QRICH2: variants seen among roughly 807,000 people sequenced by gnomAD.
QRICH2 encodes glutamine-rich protein 2.
A neutral mutation model predicts 168.3 loss-of-function variants in QRICH2; 119 were observed. The ratio of observed to expected loss-of-function variants is 0.71; its 90% confidence interval spans 0.61 to 0.82. The LOEUF (loss-of-function observed/expected upper bound fraction) is 0.82, where lower values mean the gene tolerates loss of function less well. Among genes scored for constraint, QRICH2 ranks in the 40% least tolerant of loss-of-function variants. QRICH2 has a pLI of 0.00. For synonymous variants in QRICH2, 894 were observed against 951.2 expected (o/e 0.94, Z 1.11); for missense variants, 2,241 against 2,491.6 (o/e 0.90, Z 2.14).
In QRICH2 at chr17:76,287,426, C is replaced by A. The variant is rs74413918; in HGVS notation, c.3897-120G>T. 9.8e-3 allele frequency: 7,146 copies of A among 731,666 alleles called. 587 individuals carry two copies. In the East Asian group the frequency reaches 0.17, roughly 17 times the overall value. The allele number at this position is 731,666 out of a possible 1,614,324, so 45.3% of individuals were successfully genotyped here. ...CTGGAGGTCTCTCACCCTCCACCCCCCTCCAATGGATTTTGTCTAGGGAGT... is the reference window on the plus strand; with the variant it reads ...CTGGAGGTCTCTCACCCTCCACCCCACTCCAATGGATTTTGTCTAGGGAGT... On this transcript the variant is annotated intron_variant, in intron 6 of 18. Transcript: ENST00000680821.
Position 76,281,805 on chromosome 17 carries a change from G to A in QRICH2, c.4263+59C>T. ...CACTTCTGTGGGTCTGCAGCAGGGT[G>A]GCCCTCCTCTGTGGGGCCATGTCCA... On this transcript the variant is annotated intron_variant, in intron 8 of 18. Coordinates refer to ENST00000680821, the MANE Select transcript of QRICH2 (RefSeq NM_001388453.1). The surrounding 1 kb of genome is among the most constrained non-coding windows in gnomAD (Gnocchi z 4.4). The A allele has an allele frequency of 6.3e-7, 1 of 1,587,230 alleles. No homozygotes were observed. The highest frequency in any genetic ancestry group is 1.1e-5 in the South Asian group (1 of 88,944).
intron 3 of QRICH2, among the ~76,000 whole-genome samples, chr17:76,302,613 C>T (rs898373444): frequency 2.6e-5 from 4 of 152,150 alleles, no homozygotes; most frequent in African/African-American, 9.7e-5. Flanking sequence ...GGCTGCCAGC[C>T]ACACTTAGAG....
At chr17:76,305,857 A>C (rs978221894) in intron 1 of QRICH2, among the ~76,000 whole-genome samples, 6 of 152,160 alleles carry the variant, frequency 3.9e-5, no homozygotes, top group African/African-American at 1.4e-4. Context: ...AAACTTCTAG[A>C]ATCTAAGATT....
chr17:76,280,913 T>C lies in QRICH2; in HGVS notation c.4304A>G (p.Gln1435Arg). Residue 1435 changes from glutamine to arginine, a missense_variant, in exon 9 of 19, where the codon CAG (glutamine) becomes CGG (arginine). Gln to Arg is a conservative substitution (Grantham distance 43). Coordinates refer to ENST00000680821, the MANE Select transcript of QRICH2 (RefSeq NM_001388453.1). The surrounding 1 kb of genome is among the most constrained non-coding windows in gnomAD (Gnocchi z 7.4). ...GAGCTTCTCGCAGTCACCCTGCACCTGCAGGATGGCACTCTGCACACGGCC... is the reference window on the plus strand; with the variant it reads ...GAGCTTCTCGCAGTCACCCTGCACCCGCAGGATGGCACTCTGCACACGGCC... ...LLGRVQSAILQVQGDCEKLNI... is the reference protein window; with the variant it reads ...LLGRVQSAILRVQGDCEKLNI... 6.2e-7 allele frequency: 1 copy of C among 1,612,728 alleles called. No individual in the cohort carries two copies. Among genetic ancestry groups the C allele is most frequent in the Non-Finnish European group, 8.5e-7 (1 of 1,180,020 alleles).
At position 76,293,547 on chromosome 17, in the gene QRICH2, G is replaced by A; in HGVS notation, c.1180C>T (p.Pro394Ser). Residue 394 changes from proline to serine, a missense_variant, in exon 4 of 19, where the codon CCA becomes TCA. By Grantham distance (74) the Pro-to-Ser change is moderately conservative. Around this residue, in one of 3 missense-constraint regions of QRICH2, gnomAD observed 2,047 missense variants for 2,303.8 expected, o/e 0.89. Transcript: ENST00000680821. ...HLRPDRRGLEPTGMNQPGLVP... is the reference protein window; with the variant it reads ...HLRPDRRGLESTGMNQPGLVP... Reference sequence around the variant, plus strand: ...AATCCAGGCTGATTCATGCCAGTTGGTTCTAACCCACGACGATCTGGCCTT... The same window carrying A: ...AATCCAGGCTGATTCATGCCAGTTGATTCTAACCCACGACGATCTGGCCTT... The A allele has an allele frequency of 6.2e-7, 1 of 1,614,232 alleles. No individual in the cohort carries two copies. Among genetic ancestry groups the A allele is most frequent in the South Asian group, 1.1e-5 (1 of 91,082 alleles).
chr17:76,292,601 CCA>C lies in QRICH2; in HGVS notation c.2124_2125del (p.His708GlnfsTer11). The C allele has an allele frequency of 6.2e-7, 1 of 1,614,142 alleles. No homozygotes were observed. The highest frequency in any genetic ancestry group is 8.5e-7 in the Non-Finnish European group (1 of 1,179,998). On this transcript the variant is annotated frameshift_variant, in exon 4 of 19. Coordinates refer to ENST00000680821, the MANE Select transcript of QRICH2 (RefSeq NM_001388453.1). LOFTEE classifies it high-confidence loss of function. ...CTGATCTGCACCAGATTGTACCAAACCATGCTGATCTGCACCAGGTTGCACCA... is the reference window on the plus strand; with the variant it reads ...CTGATCTGCACCAGATTGTACCAAACTGCTGATCTGCACCAGGTTGCACCA...
rs1267589233 is a variant in QRICH2 at position 76,291,476 on chromosome 17, C to T, written c.3251G>A (p.Gly1084Asp). The T allele has an allele frequency of 6.2e-7, 1 of 1,614,018 alleles. No homozygotes were observed. The highest frequency in any genetic ancestry group is 2.2e-5 in the East Asian group (1 of 44,894). ...DQQHVASPGP[G>D]EHDQVYPDAA... ...ATCTGGGTATACCTGGTCATGCTCA[C>T]CTGGGCCAGGTGATGCCACATGCTG... Residue 1084 changes from glycine to aspartate, a missense_variant, in exon 4 of 19, where the codon GGT (glycine) becomes GAT (aspartate). Coordinates refer to ENST00000680821, the MANE Select transcript of QRICH2 (RefSeq NM_001388453.1).
intron 3 of QRICH2, among the ~76,000 whole-genome samples, chr17:76,299,135 C>A (rs947808867): frequency 1.3e-5 from 2 of 152,110 alleles, no homozygotes; most frequent in African/African-American, 4.8e-5. Context: ...GATCGCCAAC[C>A]TACCTTCACC....
intron 7 of QRICH2, among the ~76,000 whole-genome samples, chr17:76,286,544 G>T (rs1009541842): frequency 1.3e-5 from 2 of 152,162 alleles, no homozygotes; most frequent in African/African-American, 4.8e-5. Context: ...TCTTTCTGGG[G>T]TGATTAAATG....
chr17:76,310,928 A>G (rs966310703), upstream of QRICH2: 3 of 152,212 alleles, frequency 2.0e-5, no homozygotes, highest in Non-Finnish European at 4.4e-5. Flanking sequence ...TGAAAAGACT[A>G]GCAAGACAAC....
chr17:76,295,606 G>A (rs918174022), intron 3 of QRICH2, among the ~76,000 whole-genome samples: 2 of 152,146 alleles, frequency 1.3e-5, no homozygotes, highest in Non-Finnish European at 2.9e-5. Flanking sequence ...TCACGCCACT[G>A]CACTCCAGCC....
At chr17:76,284,168 C>CAAAAAAAAAAAAAAAAA (rs61553346) in intron 7 of QRICH2, among the ~76,000 whole-genome samples, 121 of 62,734 alleles carry the variant, frequency 1.9e-3, no homozygotes, top group Admixed American at 7.5e-3. Flanking sequence ...ACTCTGTCTC[C>CAAAAAAAAAAAAAAAAA]AAAAAAAAAA....
Position 76,293,838 on chromosome 17 carries a change from C to T in QRICH2, c.889G>A (p.Gly297Arg), listed in dbSNP as rs994890135. 6.2e-6 allele frequency: 10 copies of T among 1,613,942 alleles called. No individual in the cohort carries two copies. The highest frequency in any genetic ancestry group is 8.5e-6 in the Non-Finnish European group (10 of 1,180,002). ...GSGGTAHPSD[G>R]VSSREQSKVP... ...TTGCTTTGTTCCCTACTGGAAACCC[C>T]ATCAGAGGGGTGTGCTGTGCCACCA... The change falls in exon 4 of 19, where the codon GGG (glycine) becomes AGG (arginine). Residue 297 changes from glycine to arginine, a missense_variant. Transcript: ENST00000680821.
At chr17:76,305,400 G>C (rs775529833) in intron 1 of QRICH2, among the ~76,000 whole-genome samples, 2 of 152,036 alleles carry the variant, frequency 1.3e-5, no homozygotes, top group South Asian at 2.1e-4. Flanking sequence ...TCCTGGGTCC[G>C]AGCAATCCTC....
rs2071019960 is a variant in QRICH2 at position 76,308,114 on chromosome 17, C to A, written c.-116G>T. The A allele has an allele frequency of 8.2e-7, 1 of 1,216,816 alleles. No homozygotes were observed. The highest frequency in any genetic ancestry group is 1.0e-6 in the Non-Finnish European group (1 of 981,786). The allele number at this position is 1,216,816 out of a possible 1,614,324, so 75.4% of individuals were successfully genotyped here. On this transcript the variant is annotated 5_prime_UTR_variant, in exon 1 of 19. Coordinates refer to ENST00000680821, the MANE Select transcript of QRICH2 (RefSeq NM_001388453.1). ...CTGCGAGGTCCTCGGGGCGCCCCTG[C>A]CCCGGGTCCGGCCGAGTCACTGGAC...
At chr17:76,294,144 G>T in intron 3 of QRICH2, 123 bp from the exon 4 acceptor site, 1 of 1,255,696 alleles carries the variant, frequency 8.0e-7, no homozygotes, top group Non-Finnish European at 1.1e-6. Context: ...AAGCCCTCTG[G>T]TCCTAAAAGC....
At chr17:76,295,725 C>G (rs1402627750) in intron 3 of QRICH2, among the ~76,000 whole-genome samples, 1 of 152,130 alleles carries the variant, frequency 6.6e-6, no homozygotes, top group Non-Finnish European at 1.5e-5. Flanking sequence ...TCTATGAATC[C>G]TCACCAAAGG....
rs557108853 is a variant in QRICH2 at position 76,294,360 on chromosome 17, G to T, written c.706-339C>A. On this transcript the variant is annotated intron_variant, in intron 3 of 18. Coordinates refer to ENST00000680821, the MANE Select transcript of QRICH2 (RefSeq NM_001388453.1). ...AATTGCTTGAACCTGGGAGATGGAG[G>T]TTGCCGTGAGATTGTGCCATTGTGC... Among the ~76,000 whole-genome samples, 136 of 152,166 alleles carry T rather than the reference G, an allele frequency of 8.9e-4. 3 individuals are homozygous for T. The South Asian group carries it at 0.025, about 27-fold the overall frequency.
upstream of QRICH2, among the ~76,000 whole-genome samples, chr17:76,309,217 A>G (rs1342369155): frequency 1.3e-5 from 2 of 150,408 alleles, no homozygotes; most frequent in African/African-American, 4.9e-5. Context: ...TTAGCCGGGC[A>G]TGGTACCGCG....
Sources: gnomAD v4.1 joint callset for allele counts (sites outside exome capture counted in the v4.1 genomes callset) on GRCh38, gnomAD v4.1.1 for gene constraint, gnomAD v4.1.1 regional missense constraint, Gnocchi (gnomAD v3.1) non-coding constraint, MANE v1.5 for transcripts, NCBI Gene and HGNC (gene_info 2026-07-23, HGNC 2026-07-21) for gene names.